Variants in LDLRAD4 observed in about 807,000 individuals in gnomAD.
LDLRAD4 encodes low-density lipoprotein receptor class A domain-containing protein 4.
LDLRAD4 carries 5 observed loss-of-function variants against 17.0 expected under a neutral mutation model. The observed-to-expected ratio is 0.29, with a 90% confidence interval of 0.15 to 0.62. The LOEUF (loss-of-function observed/expected upper bound fraction) is 0.62, where lower values mean the gene tolerates loss of function less well. LDLRAD4 is among the 20% of genes least tolerant of loss of function. LDLRAD4 has a pLI of 0.84. For synonymous variants in LDLRAD4, 168 were observed against 171.8 expected (o/e 0.98, Z 0.17); for missense variants, 340 against 424.7 (o/e 0.80, Z 1.75).
At chr18:13,238,257 G>A (rs2042432709) in intron 1 of LDLRAD4, among the ~76,000 whole-genome samples, 1 of 152,200 alleles carries the variant, frequency 6.6e-6, no homozygotes, top group Non-Finnish European at 1.5e-5. Flanking sequence ...ATTGCTCGAT[G>A]ACTGGTCGTG....
At chr18:13,416,711 T>C (rs1248908869) in intron 2 of LDLRAD4, among the ~76,000 whole-genome samples, 13 of 152,206 alleles carry the variant, frequency 8.5e-5, no homozygotes. Context: ...AAAAATGTTA[T>C]TTGCTATAGC....
chr18:13,520,134 G>A (rs2093930691), intron 3 of LDLRAD4: 1 of 152,176 alleles, frequency 6.6e-6, no homozygotes, highest in Non-Finnish European at 1.5e-5. Context: ...TCACACACTT[G>A]TTAGGGGATT....
intron 1 of LDLRAD4, among the ~76,000 whole-genome samples, chr18:13,283,677 A>G (rs1372325640): frequency 6.6e-6 from 1 of 152,204 alleles, no homozygotes; most frequent in Non-Finnish European, 1.5e-5. Context: ...GAGCCCTTCA[A>G]ACTGATCTGA....
intron 1 of LDLRAD4, among the ~76,000 whole-genome samples, chr18:13,266,283 C>A (rs1317864520): frequency 1.3e-5 from 2 of 152,226 alleles, no homozygotes. Context: ...CGCATAAGCC[C>A]TCTGCCCTCC....
At chr18:13,592,654 A>G (rs1231659003) in intron 3 of LDLRAD4, among the ~76,000 whole-genome samples, 1 of 152,256 alleles carries the variant, frequency 6.6e-6, no homozygotes, top group Non-Finnish European at 1.5e-5. Context: ...CAAACCTTTC[A>G]CAATAAAAGT....
At chr18:13,556,270 A>G (rs576822891) in intron 3 of LDLRAD4, among the ~76,000 whole-genome samples, 5 of 152,202 alleles carry the variant, frequency 3.3e-5, no homozygotes, top group Non-Finnish European at 7.3e-5. Context: ...GTGACTGGTC[A>G]TTGTCATTTC....
At chr18:13,649,652 C>T (rs2043163270) in exon 6 of LDLRAD4, 1 of 158,062 alleles carries the variant, frequency 6.3e-6, no homozygotes, top group Non-Finnish European at 1.4e-5. Flanking sequence ...GCTTGCTGCA[C>T]TGCTTGTTTA....
At position 13,468,803 on chromosome 18, in the gene LDLRAD4, G is replaced by A. The variant is rs1191714082; in HGVS notation, c.181+30419G>A. Among the ~76,000 whole-genome samples the A allele has an allele frequency of 5.8e-5, 8 of 137,566 alleles. No individual in the cohort carries two copies. In the Admixed American group the frequency reaches 6.6e-4, roughly 11 times the overall value. 90.2% of individuals were successfully genotyped at this position (137,566 alleles called of 152,430 possible). ...CTCATAGGTGGGAATTGAATAATGA[G>A]AAGACATGGACACAGGAAGGGGAAC... On this transcript the variant is annotated intron_variant, in intron 3 of 5. Transcript: ENST00000359446.
At chr18:13,442,878 G>A (rs1229043367) in intron 3 of LDLRAD4, among the ~76,000 whole-genome samples, 4 of 152,166 alleles carry the variant, frequency 2.6e-5, no homozygotes, top group Admixed American at 2.6e-4. Flanking sequence ...TGGACCTTAA[G>A]AGTAAGGTCA....
chr18:13,285,093 C>G (rs2045542576), intron 1 of LDLRAD4, among the ~76,000 whole-genome samples: 2 of 152,156 alleles, frequency 1.3e-5, no homozygotes, highest in Admixed American at 1.3e-4. Flanking sequence ...ATAGTTCTTA[C>G]AAATGGAGGG....
chr18:13,538,120 A>G (rs1461998811), intron 3 of LDLRAD4, among the ~76,000 whole-genome samples: 1 of 152,274 alleles, frequency 6.6e-6, no homozygotes, highest in East Asian at 1.9e-4. Flanking sequence ...GATCTTGTCA[A>G]ATACCCAGCT....
chr18:13,308,976 G>A (rs996936750), intron 1 of LDLRAD4, among the ~76,000 whole-genome samples: 40 of 152,108 alleles, frequency 2.6e-4, no homozygotes, highest in African/African-American at 8.5e-4. Flanking sequence ...GTTTGCTTTT[G>A]GTTTCATATA....
intron 3 of LDLRAD4, among the ~76,000 whole-genome samples, chr18:13,531,587 C>CT (rs10680224): frequency 0.044 from 5,421 of 124,544 alleles, 221 homozygotes; most frequent in African/African-American, 0.099. Context: ...AAGACTCCAT[C>CT]TTTTTTTTTT....
intron 1 of LDLRAD4, among the ~76,000 whole-genome samples, chr18:13,334,466 C>T (rs2082011465): frequency 6.6e-6 from 1 of 152,148 alleles, no homozygotes; most frequent in African/African-American, 2.4e-5. Flanking sequence ...CTTGATCTGA[C>T]CTCATGATCT....
At chr18:13,328,420 C>T (rs2081651272) in intron 1 of LDLRAD4, among the ~76,000 whole-genome samples, 1 of 152,228 alleles carries the variant, frequency 6.6e-6, no homozygotes, top group Non-Finnish European at 1.5e-5. Context: ...GCATAAATCC[C>T]TGTCTTATTC....
At chr18:13,318,739 GTGTC>G (rs1317626004) in intron 1 of LDLRAD4, among the ~76,000 whole-genome samples, 2 of 152,126 alleles carry the variant, frequency 1.3e-5, no homozygotes, top group African/African-American at 4.8e-5. Context: ...TGTCTGTCTG[GTGTC>G]TGTCTGTGTC....
chr18:13,443,670 A>G (rs889447820), intron 3 of LDLRAD4, among the ~76,000 whole-genome samples: 1 of 151,188 alleles, frequency 6.6e-6, no homozygotes, highest in South Asian at 2.1e-4. Flanking sequence ...CTCCATATCT[A>G]TTTCCCCTCC....
At chr18:13,487,132 G>C (rs978469545) in intron 3 of LDLRAD4, 2 of 152,178 alleles carry the variant, frequency 1.3e-5, no homozygotes, top group Non-Finnish European at 2.9e-5. Context: ...AAACTTTGAT[G>C]AGAGTGATCA....
At chr18:13,432,605 T>C (rs2090416612) in intron 2 of LDLRAD4, among the ~76,000 whole-genome samples, 1 of 152,262 alleles carries the variant, frequency 6.6e-6, no homozygotes, top group Admixed American at 6.5e-5. Flanking sequence ...TTGGTTGGAA[T>C]TCGGTTTAGA....
Sources: gnomAD v4.1 joint callset for allele counts (sites outside exome capture counted in the v4.1 genomes callset) on GRCh38, gnomAD v4.1.1 for gene constraint, MANE v1.5 for transcripts, NCBI Gene and HGNC (gene_info 2026-07-23, HGNC 2026-07-21) for gene names.